Variants in HSPBAP1 observed in about 807,000 individuals in gnomAD.
The protein encoded by HSPBAP1 is HSPB1 associated protein 1.
HSPBAP1 carries 27 observed loss-of-function variants against 45.2 expected under a neutral mutation model. The ratio of observed to expected loss-of-function variants is 0.60; its 90% CI spans 0.44 to 0.82. The LOEUF is 0.82. Ranked by LOEUF, HSPBAP1 falls within the 40% of genes least tolerant of loss-of-function variation. HSPBAP1 has a pLI of 0.00. For synonymous variants in HSPBAP1, 204 were observed against 202.7 expected (o/e 1.01, Z -0.06); for missense variants, 510 against 590.9 (o/e 0.86, Z 1.42).
chr3:122,764,485 C>T (rs985913694), intron 3 of HSPBAP1, among the ~76,000 whole-genome samples: 1 of 152,254 alleles, frequency 6.6e-6, no homozygotes, highest in Admixed American at 6.5e-5. Flanking sequence ...CTCTTTTCTT[C>T]CACAAATTAA....
intron 2 of HSPBAP1, among the ~76,000 whole-genome samples, chr3:122,776,837 C>T (rs1935206625): frequency 6.6e-6 from 1 of 152,184 alleles, no homozygotes; most frequent in Non-Finnish European, 1.5e-5. Flanking sequence ...AGCTATACTA[C>T]AAGGTCGAAA....
intron 4 of HSPBAP1, among the ~76,000 whole-genome samples, chr3:122,757,946 T>G (rs966903931): frequency 3.3e-5 from 5 of 152,224 alleles, no homozygotes; most frequent in African/African-American, 1.2e-4. Context: ...TGATTGACTC[T>G]TGCATCCACA....
At position 122,755,346 on chromosome 3, in the gene HSPBAP1, T is replaced by C; in HGVS notation, c.655A>G (p.Lys219Glu). 6.2e-7 allele frequency: 1 copy of C among 1,606,484 alleles called. No individual in the cohort carries two copies. The highest frequency in any genetic ancestry group is 8.5e-7 in the Non-Finnish European group (1 of 1,176,346). The change falls in exon 5 of 8, where the codon AAA becomes GAA. Residue 219 changes from lysine (K) to glutamate (E), a missense_variant. Physicochemically the swap from Lys to Glu is moderately conservative, Grantham distance 56 (BLOSUM62 1). Transcript: ENST00000306103. ...IPYEESSVFS[K>E]INVVNPDLKR... ...AAATCAGGATTGACAACATTGATTT[T>C]ACTGAACACACTAGATTCTTCATAA...
chr3:122,768,162 T>A (rs912677027), intron 3 of HSPBAP1, among the ~76,000 whole-genome samples: 3 of 152,176 alleles, frequency 2.0e-5, no homozygotes, highest in African/African-American at 7.2e-5. Flanking sequence ...TAATTTTACT[T>A]CTGCAAGTCA....
chr3:122,777,959 T>A (rs532245240), intron 1 of HSPBAP1, 53 bp from the exon 2 acceptor site: 1 of 1,223,542 alleles, frequency 8.2e-7, no homozygotes, highest in East Asian at 2.4e-5. Flanking sequence ...AGTTTTTTCA[T>A]ACAATATGGA....
chr3:122,768,627 C>G, intron 3 of HSPBAP1, 74 bp downstream of exon 3: 1 of 989,456 alleles, frequency 1.0e-6, no homozygotes, highest in Admixed American at 2.0e-5. Flanking sequence ...GAGAAGGTGC[C>G]AGGGAGATTC....
At chr3:122,742,204 A>G (rs1419703313) in intron 6 of HSPBAP1, among the ~76,000 whole-genome samples, 2 of 150,402 alleles carry the variant, frequency 1.3e-5, no homozygotes, top group African/African-American at 4.9e-5. Flanking sequence ...AATAGTAACT[A>G]AAATAGTAAC....
At chr3:122,780,411 C>G (rs1388683216) in intron 1 of HSPBAP1, among the ~76,000 whole-genome samples, 2 of 97,202 alleles carry the variant, frequency 2.1e-5, no homozygotes, top group Admixed American at 1.1e-4. Flanking sequence ...CTGGACGGGG[C>G]GGCTGGCCGG....
rs117573276 is a variant in HSPBAP1, at chr3:122,758,003, G to A, written c.569+1221C>T. Among the ~76,000 whole-genome samples, 652 of 152,310 alleles carry A rather than the reference G, an allele frequency of 4.3e-3. 15 individuals carry two copies. In the East Asian group the frequency reaches 0.063, roughly 15 times the overall value. ...ACATTCTATGCCCTTTAATAAAGACGGAATGCATCAGAGAGTGGACTAACT... is the reference window on the plus strand; with the variant it reads ...ACATTCTATGCCCTTTAATAAAGACAGAATGCATCAGAGAGTGGACTAACT... On this transcript the variant is annotated intron_variant, in intron 4 of 7. Transcript: ENST00000306103.
chr3:122,790,831 T>A (rs1024077778), intron 1 of HSPBAP1, among the ~76,000 whole-genome samples: 1 of 152,088 alleles, frequency 6.6e-6, no homozygotes, highest in Non-Finnish European at 1.5e-5. Flanking sequence ...AAATAAAAAA[T>A]AAACCAAAAA....
At chr3:122,753,270 A>G (rs1934225495) in intron 5 of HSPBAP1, 2 of 251,870 alleles carry the variant, frequency 7.9e-6, no homozygotes, top group Non-Finnish European at 1.3e-5. Flanking sequence ...GCCAGGAAGG[A>G]TAAGAGGTAC....
At chr3:122,761,663 T>C (rs1362525658) in intron 3 of HSPBAP1, 1 of 149,804 alleles carries the variant, frequency 6.7e-6, no homozygotes, top group African/African-American at 2.5e-5. Flanking sequence ...GGCATGCACC[T>C]GTGGTCCCAG....
At chr3:122,757,380 C>A (rs544149005) in intron 4 of HSPBAP1, among the ~76,000 whole-genome samples, 25 of 152,332 alleles carry the variant, frequency 1.6e-4, no homozygotes, top group Non-Finnish European at 3.1e-4. Flanking sequence ...CAGGGTCCCT[C>A]TGCCCTTCCC....
intron 5 of HSPBAP1, 173 bp from the exon 6 acceptor site, chr3:122,752,847 A>G: frequency 7.3e-7 from 1 of 1,375,880 alleles, no homozygotes. Context: ...TTTTCCTTTT[A>G]TTCCTTTTTT....
intron 2 of HSPBAP1, among the ~76,000 whole-genome samples, chr3:122,770,561 T>C (rs567935733): frequency 5.7e-4 from 87 of 152,188 alleles, no homozygotes; most frequent in Non-Finnish European, 1.1e-3. Context: ...ATTAGCCAGA[T>C]GTGGTAGCAC....
chr3:122,786,245 T>G (rs1307581545), intron 1 of HSPBAP1, among the ~76,000 whole-genome samples: 1 of 152,220 alleles, frequency 6.6e-6, no homozygotes, highest in African/African-American at 2.4e-5. Flanking sequence ...GTTCTGTGGC[T>G]TGGGCTGGAT....
At chr3:122,787,256 A>G (rs1373406037) in intron 1 of HSPBAP1, among the ~76,000 whole-genome samples, 1 of 152,228 alleles carries the variant, frequency 6.6e-6, no homozygotes, top group African/African-American at 2.4e-5. Context: ...CATCATCAAA[A>G]ATAAATTGCG....
chr3:122,779,039 T>C (rs947724973), intron 1 of HSPBAP1, among the ~76,000 whole-genome samples: 5 of 147,640 alleles, frequency 3.4e-5, no homozygotes, highest in African/African-American at 1.3e-4. Flanking sequence ...TCTTTCTTTT[T>C]CTTTTTTTTT....
rs566106534 is a variant in HSPBAP1 at position 122,751,178 on chromosome 3, C to G, written c.825+1413G>C. ...GCCTACTGATATTCAGTTTTAGGCA[C>G]TATATATTAAGAGAACTATTCTTGA... On this transcript the variant is annotated intron_variant, in intron 6 of 7. Transcript: ENST00000306103. 2.0e-5 allele frequency among the ~76,000 whole-genome samples: 3 copies of G among 152,268 alleles called. No individual in the cohort carries two copies. The South Asian group carries it at 6.2e-4, about 32-fold the overall frequency.
Sources: gnomAD v4.1 joint callset for allele counts (sites outside exome capture counted in the v4.1 genomes callset) on GRCh38, gnomAD v4.1.1 for gene constraint, MANE v1.5 for transcripts, NCBI Gene and HGNC (gene_info 2026-07-23, HGNC 2026-07-21) for gene names.